The following ELAVL2 variants were observed in gnomAD, a reference collection of about 807,000 sequenced individuals.
ELAVL2 encodes the protein ELAV-like protein 2.
A neutral mutation model predicts 34.6 loss-of-function variants in ELAVL2; 4 were observed. The observed-to-expected ratio is 0.12, with a 90% CI of 0.06 to 0.26. The LOEUF is 0.26. Among genes scored for constraint, ELAVL2 ranks in the 10% least tolerant of loss-of-function variants. The probability of loss-of-function intolerance (pLI) is 1.00; values close to 1 mark genes in which losing one functional copy is unlikely to be tolerated. For synonymous variants in ELAVL2, 193 were observed against 154.8 expected (o/e 1.25, Z -1.83); for missense variants, 432 against 442.8 (o/e 0.98, Z 0.22).
intron 1 of ELAVL2, among the ~76,000 whole-genome samples, chr9:23,823,903 TA>T (rs1206630203): frequency 6.6e-6 from 1 of 152,178 alleles, no homozygotes; most frequent in Non-Finnish European, 1.5e-5. Flanking sequence ...GCCTGGGAAA[TA>T]AAACATTAAT....
rs144333942 is a variant in ELAVL2, at chr9:23,717,338, C to A, written c.334-12267G>T. Among the ~76,000 whole-genome samples the A allele has an allele frequency of 4.4e-4, 67 of 152,218 alleles. 2 individuals carry two copies. In the East Asian group the frequency reaches 0.012, roughly 28 times the overall value. ...GCAGAGCAAGGCAAATATGTTTCTA[C>A]GAGCAAATTACTTGATCCACCCAAA... On this transcript the variant is annotated intron_variant, in intron 3 of 6. Transcript: ENST00000397312.
intron 6 of ELAVL2, among the ~76,000 whole-genome samples, 198 bp from the exon 7 acceptor site, chr9:23,693,082 AT>A (rs2033769779): frequency 6.6e-6 from 1 of 152,238 alleles, no homozygotes; most frequent in Admixed American, 6.5e-5. Flanking sequence ...TGAGATATTA[AT>A]AAGTTATGAA....
At chr9:23,779,468 G>C (rs1439783290) in intron 1 of ELAVL2, 4 of 951,324 alleles carry the variant, frequency 4.2e-6, no homozygotes, top group African/African-American at 1.8e-5. Flanking sequence ...GTGGGTGGGC[G>C]GGCTTCCTTC....
At chr9:23,738,123 G>T (rs1208313411) in intron 2 of ELAVL2, among the ~76,000 whole-genome samples, 1 of 152,152 alleles carries the variant, frequency 6.6e-6, no homozygotes, top group East Asian at 1.9e-4. Context: ...GTTCAGACAG[G>T]CTGTGCACTG....
At chr9:23,766,472 A>G (rs1321850297) in intron 1 of ELAVL2, among the ~76,000 whole-genome samples, 2 of 152,106 alleles carry the variant, frequency 1.3e-5, no homozygotes, top group African/African-American at 2.4e-5. Flanking sequence ...CAATCTAAAC[A>G]TTGCTCACTA....
chr9:23,699,618 C>T (rs769593745), intron 5 of ELAVL2, among the ~76,000 whole-genome samples: 3 of 151,970 alleles, frequency 2.0e-5, no homozygotes, highest in Non-Finnish European at 2.9e-5. Context: ...GTTCATCCTA[C>T]GTTTGCAATT....
upstream of ELAVL2, among the ~76,000 whole-genome samples, chr9:23,828,863 G>A (rs976559940): frequency 6.6e-6 from 1 of 152,066 alleles, no homozygotes; most frequent in Admixed American, 6.6e-5. Context: ...ATTGATTACA[G>A]CCTCTTTAAA....
At chr9:23,811,766 G>A (rs147413614) in intron 1 of ELAVL2, among the ~76,000 whole-genome samples, 13 of 152,232 alleles carry the variant, frequency 8.5e-5, no homozygotes, top group Non-Finnish European at 1.2e-4. Context: ...GGACAACAGT[G>A]GAATTAAGAC....
At chr9:23,783,519 G>A in intron 1 of ELAVL2, 2 of 985,400 alleles carry the variant, frequency 2.0e-6, no homozygotes, top group Non-Finnish European at 1.2e-6. Context: ...GGAATTCTTG[G>A]AGATGGAGCT....
At chr9:23,741,076 G>A (rs1188857931) in intron 2 of ELAVL2, among the ~76,000 whole-genome samples, 4 of 152,098 alleles carry the variant, frequency 2.6e-5, no homozygotes, top group Non-Finnish European at 1.5e-5. Context: ...TGCATCGCAG[G>A]GGTTTCAGGC....
chr9:23,810,965 T>C (rs755485966), intron 1 of ELAVL2, among the ~76,000 whole-genome samples: 9 of 152,210 alleles, frequency 5.9e-5, no homozygotes, highest in Non-Finnish European at 1.2e-4. Flanking sequence ...AGATCCCTGC[T>C]GCCCCATCCC....
At chr9:23,719,453 A>G (rs2043114839) in intron 3 of ELAVL2, among the ~76,000 whole-genome samples, 1 of 152,226 alleles carries the variant, frequency 6.6e-6, no homozygotes, top group African/African-American at 2.4e-5. Context: ...AATTCCCCTC[A>G]GACATTGCTT....
intron 2 of ELAVL2, among the ~76,000 whole-genome samples, chr9:23,756,854 G>GT (rs1387532037): frequency 6.6e-6 from 1 of 152,126 alleles, no homozygotes; most frequent in African/African-American, 2.4e-5. Flanking sequence ...TAGCTAACGA[G>GT]TACCTTCCAG....
chr9:23,744,748 GA>G (rs938349728), intron 2 of ELAVL2, among the ~76,000 whole-genome samples: 5 of 149,710 alleles, frequency 3.3e-5, no homozygotes, highest in East Asian at 2.0e-4. Context: ...CACCCCCCAC[GA>G]AAAAAAATAA....
chr9:23,796,922 TAGTA>T (rs2061000169), intron 1 of ELAVL2, among the ~76,000 whole-genome samples: 1 of 152,160 alleles, frequency 6.6e-6, no homozygotes. Flanking sequence ...TCATTCCAAA[TAGTA>T]AGGATGCATT....
chr9:23,719,216 A>G (rs1331651126), intron 3 of ELAVL2, among the ~76,000 whole-genome samples: 2 of 152,208 alleles, frequency 1.3e-5, no homozygotes, highest in Non-Finnish European at 2.9e-5. Flanking sequence ...ATGATTTGGT[A>G]CCAGGCCCTT....
chr9:23,829,822 C>G (rs1454898879), upstream of ELAVL2: 4 of 152,126 alleles, frequency 2.6e-5, no homozygotes, highest in African/African-American at 7.2e-5. Context: ...ATTTGCAAAG[C>G]TTGAGACGGT....
At chr9:23,748,535 A>C (rs934357820) in intron 2 of ELAVL2, among the ~76,000 whole-genome samples, 3 of 152,178 alleles carry the variant, frequency 2.0e-5, no homozygotes, top group Admixed American at 6.6e-5. Flanking sequence ...GTAACTTGCC[A>C]AGATGGGGAG....
At chr9:23,770,675 T>C (rs2057141462) in intron 1 of ELAVL2, among the ~76,000 whole-genome samples, 1 of 152,152 alleles carries the variant, frequency 6.6e-6, no homozygotes, top group African/African-American at 2.4e-5. Flanking sequence ...GGAAACAATC[T>C]CTCATAAAGA....
Sources: allele counts gnomAD v4.1 joint callset (sites outside exome capture counted in the v4.1 genomes callset), GRCh38; gene constraint gnomAD v4.1.1; transcripts MANE v1.5; gene names NCBI Gene and HGNC (gene_info 2026-07-23, HGNC 2026-07-21).